The following ANKRD42 variants were observed in gnomAD, a reference collection of about 807,000 sequenced individuals.
The protein encoded by ANKRD42 is ankyrin repeat domain 42, also known as ankyrin repeat domain-containing protein 42.
In ANKRD42, 43 loss-of-function variants were observed where a neutral mutation model predicts 51.5. The ratio of observed to expected loss-of-function variants is 0.83; its 90% CI spans 0.65 to 1.08. ANKRD42 has a LOEUF of 1.08. Among genes scored for constraint, ANKRD42 ranks in the 50% least tolerant of loss-of-function variants. The pLI is 0.00. For missense variants in ANKRD42, 608 were observed against 629.3 expected, an observed-to-expected ratio of 0.97 and a Z score of 0.36; for synonymous variants, 203 against 213.0, an observed-to-expected ratio of 0.95 and a Z score of 0.41.
chr11:83,250,610 T>G (rs1206220584), downstream of ANKRD42, among the ~76,000 whole-genome samples: 1 of 152,114 alleles, frequency 6.6e-6, no homozygotes, highest in African/African-American at 2.4e-5. Context: ...CCACTAGGGA[T>G]CCCCACCTGT....
intron 5 of ANKRD42, among the ~76,000 whole-genome samples, chr11:83,224,039 CT>C (rs1462110605): frequency 6.7e-6 from 1 of 149,188 alleles, no homozygotes; most frequent in East Asian, 2.0e-4. Context: ...AATTTCTTGT[CT>C]GTTCATGGCA....
downstream of ANKRD42, among the ~76,000 whole-genome samples, chr11:83,257,915 C>T (rs777805691): frequency 6.6e-6 from 1 of 152,166 alleles, no homozygotes; most frequent in Admixed American, 6.5e-5. Flanking sequence ...GGTCTGTGGC[C>T]GCGCAGGATA....
chr11:83,263,060 G>C (rs1248928674), downstream of ANKRD42, among the ~76,000 whole-genome samples: 1 of 152,056 alleles, frequency 6.6e-6, no homozygotes, highest in Non-Finnish European at 1.5e-5. Flanking sequence ...CGGGATTTAA[G>C]ACTAAGTGTA....
chr11:83,243,547 T>G (rs1259806761), intron 9 of ANKRD42, among the ~76,000 whole-genome samples: 2 of 152,216 alleles, frequency 1.3e-5, no homozygotes, highest in African/African-American at 4.8e-5. Context: ...TCTTTCAGTC[T>G]TTTCTGACAT....
intron 5 of ANKRD42, among the ~76,000 whole-genome samples, chr11:83,221,936 A>T (rs1161720422): frequency 6.6e-6 from 1 of 152,276 alleles, no homozygotes; most frequent in East Asian, 1.9e-4. Context: ...TGAGATAGGG[A>T]CAGGTCTTCT....
chr11:83,242,237 T>C (rs1863406838), intron 9 of ANKRD42, among the ~76,000 whole-genome samples: 1 of 152,182 alleles, frequency 6.6e-6, no homozygotes, highest in Non-Finnish European at 1.5e-5. Context: ...GTTGGGAAGA[T>C]AGAGTGAAAG....
At chr11:83,195,466 A>G (rs1263436386) in intron 1 of ANKRD42, among the ~76,000 whole-genome samples, 1 of 152,216 alleles carries the variant, frequency 6.6e-6, no homozygotes, top group East Asian at 1.9e-4. Flanking sequence ...TAACACTGAG[A>G]CCTGAATTCC....
chr11:83,196,900 G>A (rs1281870301), intron 1 of ANKRD42, among the ~76,000 whole-genome samples: 2 of 152,178 alleles, frequency 1.3e-5, no homozygotes, highest in African/African-American at 2.4e-5. Flanking sequence ...CCAACCAGTG[G>A]CAGTTTAGAG....
chr11:83,237,822 TAA>T (rs1863267105), intron 8 of ANKRD42, among the ~76,000 whole-genome samples: 1 of 152,214 alleles, frequency 6.6e-6, no homozygotes, highest in Non-Finnish European at 1.5e-5. Context: ...TTGCCACAAT[TAA>T]GATAGTGAAC....
At chr11:83,258,713 G>A (rs188376825), downstream of ANKRD42, among the ~76,000 whole-genome samples, 5 of 152,262 alleles carry the variant, frequency 3.3e-5, no homozygotes, top group African/African-American at 9.6e-5. Flanking sequence ...AATGACTACA[G>A]CCTTTCCCAC....
intron 7 of ANKRD42, among the ~76,000 whole-genome samples, chr11:83,232,671 G>A (rs1317168200): frequency 1.3e-5 from 2 of 152,002 alleles, no homozygotes; most frequent in Non-Finnish European, 2.9e-5. Flanking sequence ...TGTGTTCCAG[G>A]TCTTAAAGGA....
intron 10 of ANKRD42, among the ~76,000 whole-genome samples, chr11:83,245,986 T>C (rs1863529935): frequency 6.6e-6 from 1 of 152,208 alleles, no homozygotes; most frequent in African/African-American, 2.4e-5. Context: ...CTAGGTCTTG[T>C]GTTCACTGAT....
downstream of ANKRD42, chr11:83,261,704 T>C (rs1046998635): frequency 8.1e-6 from 3 of 368,676 alleles, no homozygotes; most frequent in African/African-American, 6.3e-5. Context: ...AGCTTTTCAA[T>C]ATAATAAAGA....
rs780249161 is a variant in ANKRD42, at chr11:83,227,781, G to C, written c.822G>C (p.Lys274Asn). The change falls in exon 7 of 11, where the codon AAG becomes AAC. Residue 274 changes from lysine to asparagine, a missense_variant. Lys to Asn is a moderately conservative substitution (Grantham distance 94, BLOSUM62 0). Transcript: ENST00000533342. ...TTCCAGGTCATGTGGCTGCCTTTAA[G>C]GGTGATTTGGGGATGCTTAAGAAAT... is the stretch of plus-strand genomic sequence containing the variant. ...LAFPGHVAAFKGDLGMLKKLV... is the reference protein window; with the variant it reads ...LAFPGHVAAFNGDLGMLKKLV... 19 of 1,613,054 alleles carry C rather than the reference G, an allele frequency of 1.2e-5. No individual in the cohort carries two copies. Among genetic ancestry groups the C allele is most frequent in the Non-Finnish European group, 1.4e-5 (17 of 1,179,714 alleles).
chr11:83,257,038 G>C (rs1565201904), downstream of ANKRD42, among the ~76,000 whole-genome samples: 1 of 152,102 alleles, frequency 6.6e-6, no homozygotes, highest in Non-Finnish European at 1.5e-5. Context: ...TATTACTATA[G>C]ATTGAAAGCC....
chr11:83,216,194 C>T (rs561569023), intron 5 of ANKRD42, among the ~76,000 whole-genome samples: 3 of 152,330 alleles, frequency 2.0e-5, no homozygotes, highest in African/African-American at 7.2e-5. Flanking sequence ...AGTTATCACA[C>T]ACCACAGTTA....
intron 7 of ANKRD42, among the ~76,000 whole-genome samples, chr11:83,231,928 A>G: frequency 6.6e-6 from 1 of 152,082 alleles, no homozygotes; most frequent in Admixed American, 6.6e-5. Flanking sequence ...GTGTGCCTGT[A>G]ATCCCAGCTA....
chr11:83,207,642 A>G (rs543418853), intron 3 of ANKRD42, among the ~76,000 whole-genome samples: 3 of 152,356 alleles, frequency 2.0e-5, no homozygotes, highest in Admixed American at 6.5e-5. Flanking sequence ...TCTCTCATGT[A>G]TCATTTCATC....
chr11:83,229,317 G>A (rs75768906), intron 7 of ANKRD42, among the ~76,000 whole-genome samples: 3,087 of 152,176 alleles, frequency 0.02, 98 homozygotes, highest in African/African-American at 0.07. Flanking sequence ...TCCAAATACA[G>A]TTGGATTCTG....
Sources: gnomAD v4.1 joint callset for allele counts (sites outside exome capture counted in the v4.1 genomes callset) on GRCh38, gnomAD v4.1.1 for gene constraint, MANE v1.5 for transcripts, NCBI Gene and HGNC (gene_info 2026-07-23, HGNC 2026-07-21) for gene names.